The following COL28A1 variants were observed in gnomAD, a reference collection of about 807,000 sequenced individuals.
COL28A1 encodes collagen type XXVIII alpha 1 chain, also known as collagen alpha-1(XXVIII) chain.
COL28A1 carries 161 observed loss-of-function variants against 150.2 expected under a neutral mutation model. That is an observed-to-expected ratio of 1.07 (90% CI 0.94 to 1.22). The LOEUF (loss-of-function observed/expected upper bound fraction) is 1.22. Among genes scored for constraint, COL28A1 ranks in the 50% most tolerant of loss-of-function variants. COL28A1 has a pLI of 0.00. For missense variants in COL28A1, 1,617 were observed against 1,388.3 expected, an observed-to-expected ratio of 1.16 and a Z score of -2.62; for synonymous variants, 552 against 469.7, an observed-to-expected ratio of 1.18 and a Z score of -2.26.
At chr7:7,414,007 T>C (rs1167103557) in intron 27 of COL28A1, among the ~76,000 whole-genome samples, 1 of 152,122 alleles carries the variant, frequency 6.6e-6, no homozygotes, top group African/African-American at 2.4e-5. Flanking sequence ...TCAGGGCTGA[T>C]CAGGACACTG....
intron 25 of COL28A1, among the ~76,000 whole-genome samples, chr7:7,427,232 T>C (rs1445854215): frequency 1.3e-5 from 2 of 152,178 alleles, no homozygotes; most frequent in Non-Finnish European, 2.9e-5. Context: ...TTCCTGGTCT[T>C]GGATATGACC....
intron 30 of COL28A1, among the ~76,000 whole-genome samples, chr7:7,376,907 C>A (rs554155938): frequency 1.3e-5 from 2 of 152,302 alleles, no homozygotes; most frequent in South Asian, 2.1e-4. Flanking sequence ...ACACCTCCAA[C>A]AGCAGTATAT....
intron 16 of COL28A1, 144 bp downstream of exon 16, chr7:7,455,900 C>T: frequency 9.4e-7 from 1 of 1,058,848 alleles, no homozygotes; most frequent in South Asian, 3.7e-5. Flanking sequence ...TCTTATCCTT[C>T]CCTATATTCA....
At chr7:7,343,850 A>C in the COL28A1 span, among the ~76,000 whole-genome samples, 1 of 152,000 alleles carries the variant, frequency 6.6e-6, no homozygotes, top group Non-Finnish European at 1.5e-5. Flanking sequence ...TCTACAAAAA[A>C]ATCAAAAATT....
chr7:7,380,837 A>G lies in COL28A1; in HGVS notation c.2231T>C (p.Val744Ala). The change falls in exon 29 of 35, where the codon GTG (valine) becomes GCG (alanine). Residue 744 changes from valine to alanine, a missense_variant. By Grantham distance (64) the Val-to-Ala change is moderately conservative. Coordinates refer to ENST00000399429, the MANE Select transcript of COL28A1 (RefSeq NM_001037763.3). ...QKGEHGERGD[V>A]GKKGDKGEIG... Reference sequence around the variant, plus strand: ...TTCTCCTTTATCACCTTTCTTTCCCACATCGCCCCGTTCTCCGTGCTCTCC... The same window carrying G: ...TTCTCCTTTATCACCTTTCTTTCCCGCATCGCCCCGTTCTCCGTGCTCTCC... 1 of 1,613,866 alleles carries G rather than the reference A, an allele frequency of 6.2e-7. No homozygotes were observed. The highest frequency in any genetic ancestry group is 8.5e-7 in the Non-Finnish European group (1 of 1,179,844).
chr7:7,536,540 T>C (rs1480829595), upstream of COL28A1, among the ~76,000 whole-genome samples: 8 of 152,166 alleles, frequency 5.3e-5, no homozygotes, highest in Non-Finnish European at 7.4e-5. Flanking sequence ...TTCCACTCCC[T>C]GTTTCCCTAT....
intron 27 of COL28A1, among the ~76,000 whole-genome samples, chr7:7,396,374 A>T (rs1359650461): frequency 6.6e-6 from 1 of 152,118 alleles, no homozygotes; most frequent in Non-Finnish European, 1.5e-5. Context: ...CTTTCACTCA[A>T]ATACAAAGCT....
At chr7:7,493,274 G>C (rs922589838) in intron 11 of COL28A1, among the ~76,000 whole-genome samples, 2 of 151,998 alleles carry the variant, frequency 1.3e-5, no homozygotes, top group African/African-American at 4.8e-5. Context: ...TTGAGTAGTG[G>C]AAGTTCTGCC....
At chr7:7,423,663 T>G (rs2128309954) in intron 25 of COL28A1, among the ~76,000 whole-genome samples, 1 of 152,288 alleles carries the variant, frequency 6.6e-6, no homozygotes, top group Non-Finnish European at 1.5e-5. Context: ...TTCATGATTT[T>G]TTTTGTGTGA....
the COL28A1 span, among the ~76,000 whole-genome samples, chr7:7,338,547 C>A: frequency 4.6e-5 from 7 of 152,032 alleles, no homozygotes; most frequent in Non-Finnish European, 1.0e-4. Context: ...TATTTTGTAT[C>A]CTGAAACTTT....
chr7:7,541,396 T>C, the COL28A1 span, among the ~76,000 whole-genome samples: 1 of 152,228 alleles, frequency 6.6e-6, no homozygotes, highest in Non-Finnish European at 1.5e-5. Flanking sequence ...ATTATCATTA[T>C]TCATTGTTTA....
At position 7,364,931 on chromosome 7, in the gene COL28A1, A is replaced by C. The variant is rs1269572252; in HGVS notation, c.3067-4403T>G. ...TTACACTCGTCTTCAGGTTGAACTT[A>C]ATAAGGATATGCAAAGAGCGAAAGA... On this transcript the variant is annotated intron_variant, in intron 33 of 34. Coordinates refer to ENST00000399429, the MANE Select transcript of COL28A1 (RefSeq NM_001037763.3). 4.6e-5 allele frequency among the ~76,000 whole-genome samples: 7 copies of C among 152,216 alleles called. No homozygotes were observed. The East Asian group carries it at 1.3e-3, about 29-fold the overall frequency.
At chr7:7,393,416 C>T (rs1045753493) in intron 27 of COL28A1, among the ~76,000 whole-genome samples, 3 of 152,200 alleles carry the variant, frequency 2.0e-5, no homozygotes, top group African/African-American at 7.2e-5. Context: ...GTCTCCCAGT[C>T]AGGAGACACA....
intron 9 of COL28A1, among the ~76,000 whole-genome samples, chr7:7,510,309 C>G (rs557958160): frequency 6.6e-6 from 1 of 151,698 alleles, no homozygotes; most frequent in Non-Finnish European, 1.5e-5. Flanking sequence ...ATTTTTGAGA[C>G]GGAGTCACTC....
At chr7:7,338,998 A>C in the COL28A1 span, among the ~76,000 whole-genome samples, 3 of 152,128 alleles carry the variant, frequency 2.0e-5, no homozygotes, top group Non-Finnish European at 2.9e-5. Flanking sequence ...TAAAAAAATC[A>C]ACTTCCAAAA....
intron 33 of COL28A1, among the ~76,000 whole-genome samples, chr7:7,368,065 C>A (rs770590133): frequency 6.6e-6 from 1 of 151,984 alleles, no homozygotes; most frequent in South Asian, 2.1e-4. Flanking sequence ...TGGACTATCA[C>A]GCCTCATATC....
intron 27 of COL28A1, among the ~76,000 whole-genome samples, chr7:7,388,550 A>G (rs1413803564): frequency 6.6e-6 from 1 of 152,086 alleles, no homozygotes; most frequent in Non-Finnish European, 1.5e-5. Context: ...GTCAAATGGT[A>G]TTTCTGGTTC....
At chr7:7,487,172 G>C (rs1284423992) in intron 13 of COL28A1, among the ~76,000 whole-genome samples, 1 of 151,406 alleles carries the variant, frequency 6.6e-6, no homozygotes, top group Non-Finnish European at 1.5e-5. Flanking sequence ...AACATTTTAA[G>C]AACGACAATG....
intron 3 of COL28A1, among the ~76,000 whole-genome samples, chr7:7,525,187 A>G (rs1781953756): frequency 6.6e-6 from 1 of 152,260 alleles, no homozygotes; most frequent in African/African-American, 2.4e-5. Flanking sequence ...TGGTTCCACC[A>G]TAATGTGACT....
Sources: gnomAD v4.1 joint callset for allele counts (sites outside exome capture counted in the v4.1 genomes callset) on GRCh38, gnomAD v4.1.1 for gene constraint, MANE v1.5 for transcripts, NCBI Gene and HGNC (gene_info 2026-07-23, HGNC 2026-07-21) for gene names.